AKT3: variants seen among roughly 807,000 people sequenced by gnomAD.
AKT3 encodes the protein RAC-gamma serine/threonine-protein kinase.
Under a neutral mutation model 65.3 loss-of-function variants are expected in AKT3, and 15 were observed. The ratio of observed to expected loss-of-function variants is 0.23; its 90% CI spans 0.15 to 0.35. The LOEUF (loss-of-function observed/expected upper bound fraction) is 0.35, where lower values mean the gene tolerates loss of function less well. Ranked by LOEUF, AKT3 falls within the 10% of genes least tolerant of loss-of-function variation. The probability of loss-of-function intolerance (pLI) is 1.00; values close to 1 mark genes in which losing one functional copy is unlikely to be tolerated. For synonymous variants in AKT3, 206 were observed against 183.8 expected (o/e 1.12, Z -0.98); for missense variants, 243 against 576.5 (o/e 0.42, Z 5.92).
chr1:243,589,867 T>A (rs190666266), intron 8 of AKT3, among the ~76,000 whole-genome samples: 3 of 152,258 alleles, frequency 2.0e-5, no homozygotes, highest in Admixed American at 6.5e-5. Flanking sequence ...AGCAGATAAA[T>A]GGATAATGAA....
chr1:243,546,454 G>A (rs1672684154), intron 11 of AKT3, among the ~76,000 whole-genome samples: 1 of 152,098 alleles, frequency 6.6e-6, no homozygotes, highest in Non-Finnish European at 1.5e-5. Context: ...AACAAGGAAA[G>A]GAAGATAAAA....
At chr1:243,509,344 T>C (rs547803254) in intron 13 of AKT3, among the ~76,000 whole-genome samples, 13 of 152,248 alleles carry the variant, frequency 8.5e-5, no homozygotes, top group Admixed American at 3.3e-4. Context: ...GATTGAGCAA[T>C]AAAATGCACA....
At chr1:243,546,283 C>T (rs77551792) in intron 11 of AKT3, among the ~76,000 whole-genome samples, 1,814 of 152,150 alleles carry the variant, frequency 0.012, 15 homozygotes, top group African/African-American at 0.02. Flanking sequence ...ATAAATTATG[C>T]GGTCTCAGGT....
intron 8 of AKT3, among the ~76,000 whole-genome samples, chr1:243,597,225 T>C (rs1469492139): frequency 6.6e-6 from 1 of 152,170 alleles, no homozygotes; most frequent in Non-Finnish European, 1.5e-5. Context: ...TATACTTAAG[T>C]TGACTAAAAA....
chr1:243,666,689 G>C (rs536653622), intron 3 of AKT3, among the ~76,000 whole-genome samples: 1 of 152,060 alleles, frequency 6.6e-6, no homozygotes, highest in South Asian at 2.1e-4. Flanking sequence ...TACAACCATC[G>C]TAAGTCAGAA....
At chr1:243,758,641 G>A (rs1689292692) in intron 2 of AKT3, among the ~76,000 whole-genome samples, 1 of 152,164 alleles carries the variant, frequency 6.6e-6, no homozygotes, top group Non-Finnish European at 1.5e-5. Context: ...GGCTGAAACT[G>A]TTCCACTCAG....
intron 13 of AKT3, among the ~76,000 whole-genome samples, chr1:243,491,634 C>T (rs902967516): frequency 7.9e-5 from 12 of 152,178 alleles, no homozygotes; most frequent in African/African-American, 2.7e-4. Context: ...TCAGCCTCTG[C>T]GATGCCTTCT....
intron 6 of AKT3, among the ~76,000 whole-genome samples, chr1:243,623,447 T>C (rs902840633): frequency 1.3e-5 from 2 of 152,152 alleles, no homozygotes; most frequent in South Asian, 4.1e-4. Flanking sequence ...GAGACTGGAA[T>C]GTGAATTGAT....
rs1468941901 is a variant in AKT3, at chr1:243,670,799, A to T, written c.173-5916T>A. On this transcript the variant is annotated intron_variant, in intron 3 of 13. Coordinates refer to ENST00000673466, the MANE Select transcript of AKT3 (RefSeq NM_005465.7). Reference sequence around the variant, plus strand: ...CTGAGCAACATGAACCACAAGCTGAATTTTAAATGTTCTGCTTACTTTACA... The same window carrying T: ...CTGAGCAACATGAACCACAAGCTGATTTTTAAATGTTCTGCTTACTTTACA... Among the ~76,000 whole-genome samples, 2 of 152,166 alleles carry T rather than the reference A, an allele frequency of 1.3e-5. 1 individual carries two copies. Among genetic ancestry groups the T allele is most frequent in the African/African-American group, 4.8e-5 (2 of 41,428 alleles).
At chr1:243,693,132 A>G (rs1044154426) in intron 3 of AKT3, among the ~76,000 whole-genome samples, 1 of 150,216 alleles carries the variant, frequency 6.7e-6, no homozygotes, top group Non-Finnish European at 1.5e-5. Context: ...TATAAATAAA[A>G]AGCCTATTTT....
chr1:243,589,799 A>G (rs982940771), intron 8 of AKT3, among the ~76,000 whole-genome samples: 2 of 152,198 alleles, frequency 1.3e-5, no homozygotes, highest in African/African-American at 4.8e-5. Context: ...TCTCTATTCC[A>G]AGAATGGAAA....
chr1:243,545,339 A>C (rs957031222), intron 12 of AKT3, among the ~76,000 whole-genome samples, 171 bp downstream of exon 12: 6 of 152,228 alleles, frequency 3.9e-5, no homozygotes, highest in African/African-American at 7.2e-5. Context: ...TTGGGGAGTC[A>C]AAATCATGAG....
chr1:243,548,910 T>C (rs1264839999), intron 11 of AKT3, among the ~76,000 whole-genome samples: 2 of 152,186 alleles, frequency 1.3e-5, no homozygotes, highest in African/African-American at 4.8e-5. Flanking sequence ...GTATTTAAAA[T>C]AGCTGCGTAG....
rs562605475 is a variant in AKT3 at position 243,730,091 on chromosome 1, A to G, written c.47-34375T>C. 5.3e-5 allele frequency among the ~76,000 whole-genome samples: 8 copies of G among 152,240 alleles called. 1 individual carries two copies. The East Asian group carries it at 1.5e-3, about 29-fold the overall frequency. ...CTGCTCCTTCTAGCTGGAATCCACAACCTGGAGGGAGAATTTCCTTTACGC... is the reference window on the plus strand; with the variant it reads ...CTGCTCCTTCTAGCTGGAATCCACAGCCTGGAGGGAGAATTTCCTTTACGC... On this transcript the variant is annotated intron_variant, in intron 2 of 13. Transcript: ENST00000673466.
At chr1:243,610,776 A>G (rs1677811780) in intron 8 of AKT3, among the ~76,000 whole-genome samples, 1 of 152,224 alleles carries the variant, frequency 6.6e-6, no homozygotes, top group Admixed American at 6.5e-5. Flanking sequence ...AAACATATAT[A>G]CACATGTTTA....
chr1:243,733,553 T>C (rs1250733085), intron 2 of AKT3, among the ~76,000 whole-genome samples: 4 of 152,182 alleles, frequency 2.6e-5, no homozygotes, highest in African/African-American at 9.6e-5. Flanking sequence ...TGCCAATAAG[T>C]ATAAGCTAAC....
At chr1:243,506,798 GT>G (rs1669699603) in intron 13 of AKT3, among the ~76,000 whole-genome samples, 1 of 152,328 alleles carries the variant, frequency 6.6e-6, no homozygotes, top group East Asian at 1.9e-4. Flanking sequence ...TTTCTAGAAG[GT>G]ATTGAGATTT....
intron 2 of AKT3, among the ~76,000 whole-genome samples, chr1:243,822,031 G>A (rs1262265250): frequency 6.6e-6 from 1 of 152,200 alleles, no homozygotes; most frequent in Non-Finnish European, 1.5e-5. Context: ...GTAATTGGAA[G>A]TAAAACACTT....
chr1:243,566,887 G>C (rs886910957), intron 9 of AKT3, among the ~76,000 whole-genome samples: 6 of 152,132 alleles, frequency 3.9e-5, no homozygotes, highest in African/African-American at 1.2e-4. Flanking sequence ...GTATTTTAAA[G>C]AAAAGAACAA....
Sources: allele counts gnomAD v4.1 joint callset (sites outside exome capture counted in the v4.1 genomes callset), GRCh38; gene constraint gnomAD v4.1.1; transcripts MANE v1.5; gene names NCBI Gene and HGNC (gene_info 2026-07-23, HGNC 2026-07-21).